CELA2A: variants seen among roughly 807,000 people sequenced by gnomAD.
CELA2A encodes the protein chymotrypsin-like elastase family member 2A.
CELA2A carries 31 observed loss-of-function variants against 35.3 expected under a neutral mutation model. The observed-to-expected ratio is 0.88, with a 90% confidence interval of 0.66 to 1.19. The LOEUF is 1.19. Among genes scored for constraint, CELA2A ranks in the 50% most tolerant of loss-of-function variants. The pLI is 0.00. For synonymous variants in CELA2A, 150 were observed against 149.8 expected, an observed-to-expected ratio of 1.00 and a Z score of -0.01; for missense variants, 330 against 352.9, an observed-to-expected ratio of 0.94 and a Z score of 0.52.
chr1:15,468,915 C>T (rs1259238139), intron 7 of CELA2A, among the ~76,000 whole-genome samples: 4 of 152,066 alleles, frequency 2.6e-5, no homozygotes, highest in South Asian at 4.2e-4. Context: ...TGGTGGCTCA[C>T]GCCTGTAATC....
chr1:15,463,013 C>T lies in CELA2A; in HGVS notation c.356+152C>T, dbSNP rs992257106. ...TGGCCTCTTAGATGTGGAACCAGCTCCAAAGATGTCTGGGGTGGGGATGTG... is the reference window on the plus strand; with the variant it reads ...TGGCCTCTTAGATGTGGAACCAGCTTCAAAGATGTCTGGGGTGGGGATGTG... On this transcript the variant is annotated intron_variant, in intron 4 of 7. Coordinates refer to ENST00000359621, the MANE Select transcript of CELA2A (RefSeq NM_033440.3). 2.5e-6 allele frequency: 3 copies of T among 1,209,980 alleles called. No homozygotes were observed. In the East Asian group the frequency reaches 7.0e-5, roughly 28 times the overall value. 75.0% of individuals were successfully genotyped at this position (1,209,980 alleles called of 1,614,324 possible).
At chr1:15,462,644 G>C in intron 3 of CELA2A, 89 bp from the exon 4 acceptor site, 1 of 1,526,190 alleles carries the variant, frequency 6.6e-7, no homozygotes, top group African/African-American at 1.4e-5. Context: ...AGTGGCTCAC[G>C]CAGCAGCCAG....
At position 15,456,744 on chromosome 1, in the gene CELA2A, C is replaced by T. The variant is rs376634410; in HGVS notation, c.-10C>T. 1.4e-4 allele frequency: 219 copies of T among 1,614,162 alleles called. No individual in the cohort carries two copies. In the African/African-American group the frequency reaches 2.6e-3, roughly 19 times the overall value. On this transcript the variant is annotated 5_prime_UTR_variant, in exon 1 of 8. In the 5' UTR this introduces an upstream ATG that the reference lacks. Coordinates refer to ENST00000359621, the MANE Select transcript of CELA2A (RefSeq NM_033440.3). ...CAGGGCCACGCTTACAGAACTCCCA[C>T]GGACACACCATGATAAGGACGCTGC...
intron 7 of CELA2A, among the ~76,000 whole-genome samples, chr1:15,470,236 A>T (rs1373368869): frequency 6.6e-6 from 1 of 152,144 alleles, no homozygotes; most frequent in Non-Finnish European, 1.5e-5. Context: ...ACCCAGGGAC[A>T]CAGTGTGTGC....
chr1:15,466,478 C>T (rs1708519714), intron 6 of CELA2A, among the ~76,000 whole-genome samples: 1 of 151,990 alleles, frequency 6.6e-6, no homozygotes, highest in Non-Finnish European at 1.5e-5. Context: ...AGGAGAATCA[C>T]TTGAACCCAT....
intron 7 of CELA2A, among the ~76,000 whole-genome samples, chr1:15,468,439 A>C (rs1708550714): frequency 6.6e-6 from 1 of 152,190 alleles, no homozygotes; most frequent in Non-Finnish European, 1.5e-5. Flanking sequence ...GTCTCCTTTC[A>C]GCTTCCACAA....
intron 2 of CELA2A, among the ~76,000 whole-genome samples, chr1:15,460,024 C>A (rs1256133269): frequency 2.0e-5 from 3 of 151,990 alleles, no homozygotes; most frequent in East Asian, 3.9e-4. Context: ...AATTTTGTTT[C>A]TTCTCCAGGA....
chr1:15,467,416 G>A lies in CELA2A; in HGVS notation c.670G>A (p.Ala224Thr). 1 of 1,613,786 alleles carries A rather than the reference G, an allele frequency of 6.2e-7. No individual in the cohort carries two copies. The highest frequency in any genetic ancestry group is 8.5e-7 in the Non-Finnish European group (1 of 1,180,032). The change falls in exon 7 of 8, where the codon GCG (alanine) becomes ACG (threonine). Residue 224 changes from alanine to threonine, a missense_variant. Physicochemically the swap from Ala to Thr is moderately conservative, Grantham distance 58 (BLOSUM62 0). Coordinates refer to ENST00000359621, the MANE Select transcript of CELA2A (RefSeq NM_033440.3). ...GDSGGPLNCQ[A>T]SDGRWQVHGI... The stretch of plus-strand genomic sequence containing the variant: ...CTCTGGCGGGCCACTGAACTGTCAG[G>A]CGTCTGACGGCCGGTGGCAGGTGCA...
chr1:15,459,947 C>CAA (rs80212453), intron 2 of CELA2A, among the ~76,000 whole-genome samples: 1,626 of 95,414 alleles, frequency 0.017, 29 homozygotes, highest in African/African-American at 0.057. Context: ...ATAGCCATCT[C>CAA]AAAAAAAAAA....
intron 2 of CELA2A, among the ~76,000 whole-genome samples, chr1:15,458,486 T>G (rs1057192102): frequency 1.3e-5 from 2 of 152,188 alleles, no homozygotes; most frequent in Admixed American, 1.3e-4. Flanking sequence ...CCCAGCTGAA[T>G]CAGGATGAGT....
At chr1:15,460,063 T>C (rs950212332) in intron 2 of CELA2A, among the ~76,000 whole-genome samples, 1 of 152,136 alleles carries the variant, frequency 6.6e-6, no homozygotes, top group African/African-American at 2.4e-5. Flanking sequence ...CACCCAGGCT[T>C]AATTACAGTA....
In CELA2A at chr1:15,465,003, C is replaced by CTT. The variant is rs34001591; in HGVS notation, c.494-971_494-970dup. Among the ~76,000 whole-genome samples, 51 of 77,466 alleles carry CTT rather than the reference C, an allele frequency of 6.6e-4. 2 individuals carry two copies. Among genetic ancestry groups the CTT allele is most frequent in the African/African-American group, 1.5e-3 (32 of 21,472 alleles). 50.8% of individuals were successfully genotyped at this position (77,466 alleles called of 152,430 possible). ...GTCTTAAGCCAGACACTTAACTTCC[C>CTT]TTTTTTTTTTTTTTTTTTTTTTTTT... On this transcript the variant is annotated intron_variant, in intron 5 of 7. Transcript: ENST00000359621.
intron 2 of CELA2A, among the ~76,000 whole-genome samples, chr1:15,459,990 C>T (rs1372862983): frequency 6.6e-6 from 1 of 151,326 alleles, no homozygotes; most frequent in Admixed American, 6.6e-5. Context: ...ACCTCACTAA[C>T]GAAGATGAAT....
At chr1:15,470,476 T>C (rs1708575625) in intron 7 of CELA2A, among the ~76,000 whole-genome samples, 1 of 152,220 alleles carries the variant, frequency 6.6e-6, no homozygotes, top group South Asian at 2.1e-4. Context: ...AGGTAATACA[T>C]ACTCTTTGTA....
At position 15,467,403 on chromosome 1, in the gene CELA2A, A is replaced by G. The variant is rs61741275; in HGVS notation, c.657A>G (p.Pro219=). Residue 219 remains proline (P), a synonymous_variant, in exon 7 of 8, where the codon CCA becomes CCG. Coordinates refer to ENST00000359621, the MANE Select transcript of CELA2A (RefSeq NM_033440.3). ...ISSCNGDSGG[P]LNCQASDGRW... ...TTCCTCAGGGAGACTCTGGCGGGCC[A>G]CTGAACTGTCAGGCGTCTGACGGCC... 16 of 1,613,528 alleles carry G rather than the reference A, an allele frequency of 9.9e-6. No homozygotes were observed. The East Asian group carries it at 2.4e-4, about 25-fold the overall frequency.
chr1:15,463,570 T>C, intron 5 of CELA2A, 48 bp downstream of exon 5: 1 of 1,612,430 alleles, frequency 6.2e-7, no homozygotes, highest in Non-Finnish European at 8.5e-7. Flanking sequence ...AGGGAGGTGA[T>C]TCACGTCACC....
At chr1:15,465,667 C>G (rs1300788881) in intron 5 of CELA2A, among the ~76,000 whole-genome samples, 1 of 152,192 alleles carries the variant, frequency 6.6e-6, no homozygotes, top group African/African-American at 2.4e-5. Context: ...GAAACCCTCC[C>G]TCAGAATTTC....
rs939872211 is a variant in CELA2A, at chr1:15,461,907, T to C, written c.227+249T>C. The C allele has an allele frequency of 1.6e-5, 11 of 668,560 alleles. No homozygotes were observed. The Admixed American group carries it at 1.9e-4, about 11-fold the overall frequency. 41.4% of individuals were successfully genotyped at this position (668,560 alleles called of 1,614,324 possible). On this transcript the variant is annotated intron_variant, in intron 3 of 7. Coordinates refer to ENST00000359621, the MANE Select transcript of CELA2A (RefSeq NM_033440.3). ...ATGAAGAGGAGGGGAAGGCCCAATC[T>C]CTGCCCTCTTGGGGAAACTACATGT...
chr1:15,469,921 A>AGCAGGG (rs943323997), intron 7 of CELA2A, among the ~76,000 whole-genome samples: 27 of 152,090 alleles, frequency 1.8e-4, no homozygotes, highest in African/African-American at 6.5e-4. Context: ...GGGGACCTGA[A>AGCAGGG]GCAGGGGCAG....
Sources: gnomAD v4.1 joint callset for allele counts (sites outside exome capture counted in the v4.1 genomes callset) on GRCh38, gnomAD v4.1.1 for gene constraint, MANE v1.5 for transcripts, NCBI Gene and HGNC (gene_info 2026-07-23, HGNC 2026-07-21) for gene names.